Variants in LIG3 observed in about 807,000 individuals in gnomAD.
LIG3 encodes DNA ligase 3, also known as ligase II, DNA, ATP-dependent.
Under a neutral mutation model 110.9 loss-of-function variants are expected in LIG3, and 58 were observed. The ratio of observed to expected loss-of-function variants is 0.52; its 90% CI spans 0.42 to 0.65. The LOEUF (loss-of-function observed/expected upper bound fraction) is 0.65, where lower values mean the gene tolerates loss of function less well. Among genes scored for constraint, LIG3 ranks in the 30% least tolerant of loss-of-function variants. The pLI is 0.00. For missense variants in LIG3, 1,094 were observed against 1,273.8 expected, an observed-to-expected ratio of 0.86 and a Z score of 2.15; for synonymous variants, 422 against 472.8, an observed-to-expected ratio of 0.89 and a Z score of 1.39.
chr17:34,989,401 C>T, intron 3 of LIG3, 65 bp from the exon 4 acceptor site: 1 of 1,423,300 alleles, frequency 7.0e-7, no homozygotes, highest in Non-Finnish European at 9.8e-7. Flanking sequence ...CTGTTAGTTT[C>T]CTTCCTTCCC....
chr17:34,996,477 G>A (rs920394901), intron 10 of LIG3, 97 bp from the exon 11 acceptor site: 34 of 992,324 alleles, frequency 3.4e-5, no homozygotes, highest in Admixed American at 1.3e-4. Context: ...TTTTTCATCC[G>A]GTGCCTCAGG....
rs1192808191 is a variant in LIG3 at position 34,997,740 on chromosome 17, C to T, written c.1826C>T (p.Pro609Leu). The change falls in exon 12 of 20, where the codon CCT becomes CTT. Residue 609 changes from proline (P) to leucine (L), a missense_variant and splice_region_variant. By Grantham distance (98) the Pro-to-Leu change is moderately conservative. Coordinates refer to ENST00000378526, the MANE Select transcript of LIG3 (RefSeq NM_013975.4). ...CTCAGCTCTCCTGTTCTCCTCAGAC[C>T]TCTGTGTGAGCGGCGGAAGTTTCTT... Reference protein sequence around the residue: ...YFNDVSLMDRPLCERRKFLHD... With the variant: ...YFNDVSLMDRLLCERRKFLHD... The T allele has an allele frequency of 5.6e-6, 9 of 1,613,296 alleles. No homozygotes were observed. In the East Asian group the frequency reaches 2.0e-4, roughly 36 times the overall value.
At chr17:34,987,920 C>T (rs1439046742) in intron 3 of LIG3, among the ~76,000 whole-genome samples, 5 of 151,932 alleles carry the variant, frequency 3.3e-5, no homozygotes, top group East Asian at 3.9e-4. Flanking sequence ...CTGGGCCGGG[C>T]GCGGTGGCTC....
intron 8 of LIG3, among the ~76,000 whole-genome samples, chr17:34,993,745 C>T (rs964753988): frequency 3.3e-5 from 5 of 152,066 alleles, no homozygotes; most frequent in East Asian, 1.9e-4. Context: ...GTATGTGAAG[C>T]GCTCCCAAAA....
intron 5 of LIG3, chr17:34,991,455 G>T: frequency 1.7e-6 from 1 of 597,098 alleles, no homozygotes; most frequent in Non-Finnish European, 2.9e-6. Flanking sequence ...ACCAAGCTTT[G>T]GTTTGTCCGT....
At position 35,005,842 on chromosome 17, in the gene LIG3, A is replaced by G; in HGVS notation, c.*1336A>G. The G allele has an allele frequency of 2.4e-6, 1 of 422,702 alleles. No individual in the cohort carries two copies. Among genetic ancestry groups the G allele is most frequent in the Non-Finnish European group, 4.7e-6 (1 of 213,832 alleles). 26.2% of individuals were successfully genotyped at this position (422,702 alleles called of 1,614,324 possible). ...CAATATGAAATGTGGGAAAGAATGA[A>G]GAGCAGCAGTAAAAGAAATACCTAG... On this transcript the variant is annotated 3_prime_UTR_variant, in exon 20 of 20. Transcript: ENST00000378526.
At chr17:35,003,697 G>C (rs2090868926) in intron 19 of LIG3, 1 of 157,242 alleles carries the variant, frequency 6.4e-6, no homozygotes, top group Admixed American at 6.1e-5. Context: ...AGGACAGATA[G>C]AGAAGTAAAC....
At position 34,983,219 on chromosome 17, in the gene LIG3, G is replaced by C; in HGVS notation, c.214G>C (p.Val72Leu). ...TCTAAGATCACGTGCCACCTACCTT[G>C]TTTTCTTGCCAGGGTTGCATGTGGG... ...SHLRSRATYL[V>L]FLPGLHVGLC... Residue 72 changes from valine to leucine, a missense_variant, in exon 2 of 20, where the codon GTT becomes CTT. By Grantham distance (32) the Val-to-Leu change is conservative. Coordinates refer to ENST00000378526, the MANE Select transcript of LIG3 (RefSeq NM_013975.4). 1 of 1,614,182 alleles carries C rather than the reference G, an allele frequency of 6.2e-7. No individual in the cohort carries two copies. Among genetic ancestry groups the C allele is most frequent in the Non-Finnish European group, 8.5e-7 (1 of 1,179,998 alleles).
At chr17:34,983,699 C>T in intron 2 of LIG3, 147 bp downstream of exon 2, 2 of 816,120 alleles carry the variant, frequency 2.5e-6, no homozygotes, top group South Asian at 3.8e-5. Context: ...TTTAATGTTG[C>T]ATTCGTAGCT....
At chr17:35,001,546 G>A in intron 17 of LIG3, 143 bp downstream of exon 17, 1 of 834,742 alleles carries the variant, frequency 1.2e-6, no homozygotes, top group Non-Finnish European at 1.9e-6. Flanking sequence ...ATTAGAGAGG[G>A]AGACAAACTG....
chr17:34,980,593 C>T lies in LIG3; in HGVS notation c.-34C>T, dbSNP rs2142217902. 1.6e-6 allele frequency: 2 copies of T among 1,285,898 alleles called. No homozygotes were observed. Among genetic ancestry groups the T allele is most frequent in the East Asian group, 1.1e-4 (2 of 17,616 alleles). The allele number at this position is 1,285,898 out of a possible 1,614,324, so 79.7% of individuals were successfully genotyped here. On this transcript the variant is annotated 5_prime_UTR_variant, in exon 1 of 20. Transcript: ENST00000378526. ...GCCTGTAATGAGCAAGTTCCGAGGC[C>T]TACGGTGAGCGCCGGAGCCGGAGAG...
At position 35,004,318 on chromosome 17, in the gene LIG3, T is replaced by G. The variant is rs769256599; in HGVS notation, c.2842T>G (p.Ser948Ala). The G allele has an allele frequency of 2.7e-5, 43 of 1,614,050 alleles. No individual in the cohort carries two copies. Among genetic ancestry groups the G allele is most frequent in the Non-Finnish European group, 3.4e-5 (40 of 1,180,030 alleles). The change falls in exon 20 of 20, where the codon TCC (serine) becomes GCC (alanine). Residue 948 changes from serine (S) to alanine (A), a missense_variant. By Grantham distance (99) the Ser-to-Ala change is moderately conservative. Transcript: ENST00000378526. ...FTGVRLYLPP[S>A]TPDFSRLRRY... The stretch of plus-strand genomic sequence containing the variant: ...TGGGGTGCGGCTTTACTTGCCACCC[T>G]CCACACCAGACTTCAGCCGTCTCAG...
intron 2 of LIG3, among the ~76,000 whole-genome samples, chr17:34,984,578 G>A (rs1014925638): frequency 6.6e-6 from 1 of 151,686 alleles, no homozygotes; most frequent in African/African-American, 2.4e-5. Flanking sequence ...CTGTTAGTGG[G>A]AAATGCCCCT....
At chr17:34,997,670 C>T (rs561198817) in intron 11 of LIG3, 68 bp from the exon 12 acceptor site, 13 of 1,149,318 alleles carry the variant, frequency 1.1e-5, no homozygotes, top group Admixed American at 1.0e-4. Flanking sequence ...TGTGGCCCTT[C>T]CTTCCTCAGA....
At position 34,992,547 on chromosome 17, in the gene LIG3, C is replaced by T; in HGVS notation, c.1310C>T (p.Ala437Val). 6.2e-7 allele frequency: 1 copy of T among 1,608,206 alleles called. No individual in the cohort carries two copies. Among genetic ancestry groups the T allele is most frequent in the Non-Finnish European group, 8.5e-7 (1 of 1,177,380 alleles). The change falls in exon 8 of 20, where the codon GCC becomes GTC. Residue 437 changes from alanine to valine, a missense_variant. Transcript: ENST00000378526. ...AGGTTAGACGCCCTTGACCCCAATG[C>T]CTATGAAGCCTTCAAAGCCTCGCGC... ...KHVLDALDPN[A>V]YEAFKASRNL...
At chr17:34,992,929 A>G (rs1168942112) in intron 8 of LIG3, among the ~76,000 whole-genome samples, 3 of 152,194 alleles carry the variant, frequency 2.0e-5, no homozygotes, top group Non-Finnish European at 4.4e-5. Context: ...AAGATGCTGT[A>G]GAATCTTAGA....
Position 34,980,568 on chromosome 17 carries a change from G to A in LIG3, c.-59G>A, listed in dbSNP as rs1392907356. The A allele has an allele frequency of 8.5e-6, 11 of 1,287,444 alleles. No homozygotes were observed. Among genetic ancestry groups the A allele is most frequent in the African/African-American group, 3.0e-5 (2 of 65,726 alleles). The allele number at this position is 1,287,444 out of a possible 1,614,324, so 79.8% of individuals were successfully genotyped here. On this transcript the variant is annotated 5_prime_UTR_variant, in exon 1 of 20. Coordinates refer to ENST00000378526, the MANE Select transcript of LIG3 (RefSeq NM_013975.4). ...CTCCAACCGTCGTGGGCTGCCCGCG[G>A]CCTGTAATGAGCAAGTTCCGAGGCC...
At chr17:34,994,576 A>G (rs2090759391) in intron 9 of LIG3, 145 bp downstream of exon 9, 1 of 913,048 alleles carries the variant, frequency 1.1e-6, no homozygotes, top group Non-Finnish European at 1.6e-6. Context: ...TCATTTATTC[A>G]TTTTTGGAGT....
At chr17:34,995,045 G>A (rs1031379594) in intron 9 of LIG3, among the ~76,000 whole-genome samples, 2 of 152,152 alleles carry the variant, frequency 1.3e-5, no homozygotes, top group African/African-American at 4.8e-5. Flanking sequence ...GCCTTTGGGA[G>A]TGTCTTCAGG....
Sources: allele counts gnomAD v4.1 joint callset (sites outside exome capture counted in the v4.1 genomes callset), GRCh38; gene constraint gnomAD v4.1.1; transcripts MANE v1.5; gene names NCBI Gene and HGNC (gene_info 2026-07-23, HGNC 2026-07-21).